The following CGA variants were observed in gnomAD, a reference collection of about 807,000 sequenced individuals.
The protein encoded by CGA is glycoprotein hormones alpha chain.
Under a neutral mutation model 12.0 loss-of-function variants are expected in CGA, and 4 were observed. The ratio of observed to expected loss-of-function variants is 0.33; its 90% CI spans 0.16 to 0.76. CGA has a LOEUF of 0.76. Ranked by LOEUF, CGA falls within the 30% of genes least tolerant of loss-of-function variation. The probability of loss-of-function intolerance (pLI) is 0.60; values close to 1 mark genes in which losing one functional copy is unlikely to be tolerated. For synonymous variants in CGA, 60 were observed against 56.6 expected (o/e 1.06, Z -0.27); for missense variants, 102 against 143.5 (o/e 0.71, Z 1.48).
intron 1 of CGA, among the ~76,000 whole-genome samples, chr6:87,090,919 T>A (rs1382121316): frequency 6.6e-6 from 1 of 152,006 alleles, no homozygotes; most frequent in Non-Finnish European, 1.5e-5. Flanking sequence ...GTGCTGGGAT[T>A]ACAGGCGTGA....
rs752122024 is a variant in CGA, at chr6:87,086,252, T to C, written c.271A>G (p.Arg91Gly). The C allele has an allele frequency of 6.2e-7, 1 of 1,610,128 alleles. No individual in the cohort carries two copies. Among genetic ancestry groups the C allele is most frequent in the East Asian group, 2.2e-5 (1 of 44,860 alleles). ...STCCVAKSYNRVTVMGGFKVE... is the reference protein window; with the variant it reads ...STCCVAKSYNGVTVMGGFKVE... The stretch of plus-strand genomic sequence containing the variant: ...TCTGGGGATCTTGAGGTTCTTACCC[T>C]GTTATATGATTTAGCTACACAGCAA... The change falls in exon 3 of 4, where the codon AGG becomes GGG. Residue 91 changes from arginine to glycine, a missense_variant and splice_region_variant. Transcript: ENST00000627148.
intron 1 of CGA, among the ~76,000 whole-genome samples, chr6:87,094,071 A>T (rs1001229918): frequency 5.3e-5 from 8 of 151,950 alleles, no homozygotes; most frequent in Non-Finnish European, 1.2e-4. Flanking sequence ...TATTTAAAAG[A>T]TATTTTCAGA....
chr6:87,086,126 T>G (rs992347977), intron 3 of CGA, 124 bp downstream of exon 3: 1 of 837,654 alleles, frequency 1.2e-6, no homozygotes, highest in Non-Finnish European at 1.9e-6. Context: ...ATTCCCCACC[T>G]GTACAAATGC....
At chr6:87,090,634 A>G (rs993836871) in intron 1 of CGA, among the ~76,000 whole-genome samples, 9 of 113,246 alleles carry the variant, frequency 7.9e-5, no homozygotes, top group Non-Finnish European at 1.7e-4. Context: ...GGGCTCTTCA[A>G]TAATTTTTTT....
At chr6:87,085,920 G>A in intron 3 of CGA, 87 bp from the exon 4 acceptor site, 1 of 946,048 alleles carries the variant, frequency 1.1e-6, no homozygotes, top group Non-Finnish European at 1.7e-6. Flanking sequence ...ACATAAAATT[G>A]TTTGCATTCT....
At chr6:87,092,629 AAAAAG>A (rs1341617056) in intron 1 of CGA, among the ~76,000 whole-genome samples, 3 of 152,076 alleles carry the variant, frequency 2.0e-5, no homozygotes, top group Non-Finnish European at 2.9e-5. Context: ...AGAGAAAAGA[AAAAAG>A]AAAAGAAAAG....
chr6:87,086,289 G>C lies in CGA; in HGVS notation c.234C>G (p.Thr78=), dbSNP rs143207409. The C allele has an allele frequency of 2.5e-6, 4 of 1,614,026 alleles. No individual in the cohort carries two copies. In the African/African-American group the frequency reaches 5.3e-5, roughly 22 times the overall value. Reference sequence around the variant, plus strand: ...TAGCTACACAGCAAGTGGACTCTGAGGTGACGTTCTTTTGGACCAACATCG... The same window carrying C: ...TAGCTACACAGCAAGTGGACTCTGACGTGACGTTCTTTTGGACCAACATCG... ...KKTMLVQKNV[T]SESTCCVAKS... Residue 78 remains threonine, a synonymous_variant, in exon 3 of 4, where the codon ACC becomes ACG. Transcript: ENST00000627148.
intron 1 of CGA, among the ~76,000 whole-genome samples, chr6:87,093,544 C>A (rs1206577884): frequency 6.6e-6 from 1 of 152,218 alleles, no homozygotes; most frequent in South Asian, 2.1e-4. Context: ...CTAGGATTCA[C>A]AACCTGTAAA....
intron 1 of CGA, among the ~76,000 whole-genome samples, chr6:87,089,681 A>G (rs932432879): frequency 5.9e-5 from 9 of 152,228 alleles, no homozygotes; most frequent in Non-Finnish European, 1.2e-4. Context: ...ATATTAACCC[A>G]TAATACTTCT....
intron 1 of CGA, among the ~76,000 whole-genome samples, chr6:87,092,051 C>G (rs970085605): frequency 1.9e-4 from 29 of 151,458 alleles, no homozygotes; most frequent in African/African-American, 7.0e-4. Flanking sequence ...GTGGGCATCT[C>G]ACTATGTTGT....
intron 1 of CGA, among the ~76,000 whole-genome samples, chr6:87,091,455 G>A (rs1183214680): frequency 6.6e-6 from 1 of 152,160 alleles, no homozygotes; most frequent in Non-Finnish European, 1.5e-5. Flanking sequence ...ATCAGGGGGA[G>A]AAATTAAATT....
At position 87,085,650 on chromosome 6, in the gene CGA, T is replaced by C; in HGVS notation, c.*106A>G. The C allele has an allele frequency of 2.6e-6, 2 of 760,512 alleles. No individual in the cohort carries two copies. The highest frequency in any genetic ancestry group is 1.5e-5 in the South Asian group (1 of 65,016). The allele number at this position is 760,512 out of a possible 1,614,324, so 47.1% of individuals were successfully genotyped here. ...ATCCTTGAAGCGTGTCAAAGTGGTA[T>C]GGTAAGGAAAAGGAGAGTTTTATCT... On this transcript the variant is annotated 3_prime_UTR_variant, in exon 4 of 4. Transcript: ENST00000627148.
intron 1 of CGA, among the ~76,000 whole-genome samples, chr6:87,092,692 G>T: frequency 6.6e-6 from 1 of 150,782 alleles, no homozygotes; most frequent in East Asian, 1.9e-4. Context: ...AGGACTGTCT[G>T]CAGTGGGGAA....
intron 1 of CGA, among the ~76,000 whole-genome samples, chr6:87,093,989 T>C (rs1769488144): frequency 6.6e-6 from 1 of 152,230 alleles, no homozygotes; most frequent in African/African-American, 2.4e-5. Context: ...AATTCAAGAA[T>C]ATAGCAATGT....
chr6:87,090,595 G>A (rs1769411719), intron 1 of CGA, among the ~76,000 whole-genome samples: 1 of 151,092 alleles, frequency 6.6e-6, no homozygotes, highest in South Asian at 2.1e-4. Flanking sequence ...AAATATTAAT[G>A]GATATAAACT....
At position 87,088,262 on chromosome 6, in the gene CGA, G is replaced by A. The variant is rs892875224; in HGVS notation, c.-7-55C>T. 10 of 1,128,956 alleles carry A rather than the reference G, an allele frequency of 8.9e-6. No homozygotes were observed. In the African/African-American group the frequency reaches 1.3e-4, roughly 15 times the overall value. 69.9% of individuals were successfully genotyped at this position (1,128,956 alleles called of 1,614,324 possible). ...ACAAAAAACAGTTAATCTAAAATTG[G>A]CTTACCAGTCATAACAACAACCAGT... On this transcript the variant is annotated intron_variant, in intron 1 of 3. Coordinates refer to ENST00000627148, the MANE Select transcript of CGA (RefSeq NM_000735.4).
intron 1 of CGA, among the ~76,000 whole-genome samples, chr6:87,089,546 A>G (rs1375513439): frequency 2.0e-5 from 3 of 152,210 alleles, no homozygotes; most frequent in Non-Finnish European, 4.4e-5. Context: ...TAAATCTGCA[A>G]TTATTCAAAA....
chr6:87,088,020 A>C lies in CGA; in HGVS notation c.88+93T>G, dbSNP rs1769354755. The C allele has an allele frequency of 9.7e-6, 6 of 619,366 alleles. No homozygotes were observed. The South Asian group carries it at 1.7e-4, about 18-fold the overall frequency. The allele number at this position is 619,366 out of a possible 1,614,324, so 38.4% of individuals were successfully genotyped here. A position where few individuals can be genotyped will look rare whatever the true frequency, so the allele number is the denominator to read the frequency against. On this transcript the variant is annotated intron_variant, in intron 2 of 3. Transcript: ENST00000627148. The stretch of plus-strand genomic sequence containing the variant: ...AGCAGCAAAGACTTATTACTTTTGA[A>C]AAGGTGGTAGAAATGTAATTAATGG...
chr6:87,089,467 A>G (rs1164055685), intron 1 of CGA, among the ~76,000 whole-genome samples: 1 of 152,226 alleles, frequency 6.6e-6, no homozygotes, highest in Non-Finnish European at 1.5e-5. Flanking sequence ...GTTATACAAG[A>G]TAATTTTCAA....
Sources: gnomAD v4.1 joint callset for allele counts (sites outside exome capture counted in the v4.1 genomes callset) on GRCh38, gnomAD v4.1.1 for gene constraint, MANE v1.5 for transcripts, NCBI Gene and HGNC (gene_info 2026-07-23, HGNC 2026-07-21) for gene names.